L3MBTL3: variants seen among roughly 807,000 people sequenced by gnomAD.
L3MBTL3 encodes lethal(3)malignant brain tumor-like protein 3.
Under a neutral mutation model 102.3 loss-of-function variants are expected in L3MBTL3, and 27 were observed. The observed-to-expected ratio is 0.26, with a 90% CI of 0.19 to 0.36. L3MBTL3 has a LOEUF of 0.36. L3MBTL3 is among the 10% of genes least tolerant of loss of function. The pLI, the probability that L3MBTL3 is intolerant of heterozygous loss-of-function variation, is 1.00. For missense variants in L3MBTL3, 798 were observed against 955.3 expected (o/e 0.84, Z 2.17); for synonymous variants, 340 against 320.9 (o/e 1.06, Z -0.64).
intron 7 of L3MBTL3, among the ~76,000 whole-genome samples, chr6:130,054,387 T>A (rs767630570): frequency 3.3e-5 from 5 of 152,132 alleles, no homozygotes; most frequent in Non-Finnish European, 5.9e-5. Context: ...TTTGATATGA[T>A]GTATGTTTTA....
At chr6:130,049,880 C>T in intron 5 of L3MBTL3, 50 bp downstream of exon 5, 1 of 1,563,760 alleles carries the variant, frequency 6.4e-7, no homozygotes, top group South Asian at 1.2e-5. Flanking sequence ...CTATTTCTTT[C>T]TCCCCTCCCC....
rs77104327 is a variant in L3MBTL3, at chr6:130,085,570, G to A, written c.1408-570G>A. On this transcript the variant is annotated intron_variant, in intron 15 of 22. Transcript: ENST00000361794. ...TTTTACTCTGCTATTTCCCTTGCTC[G>A]TGCATCTGTGTTGGAATTTTTTGAC... 8.5e-5 allele frequency among the ~76,000 whole-genome samples: 13 copies of A among 152,078 alleles called. No homozygotes were observed. In the East Asian group the frequency reaches 1.7e-3, roughly 20 times the overall value.
At position 130,088,857 on chromosome 6, in the gene L3MBTL3, C is replaced by A. The variant is rs988405841; in HGVS notation, c.1518+2607C>A. Among the ~76,000 whole-genome samples, 22 of 152,218 alleles carry A rather than the reference C, an allele frequency of 1.4e-4. No homozygotes were observed. In the South Asian group the frequency reaches 2.1e-3, roughly 14 times the overall value. On this transcript the variant is annotated intron_variant, in intron 16 of 22. Coordinates refer to ENST00000361794, the MANE Select transcript of L3MBTL3 (RefSeq NM_032438.4). ...ATTTAGATCTTGCCCTTCTTCCCTT[C>A]CCCTTATCTTTTCAGTAGTTATTTT...
chr6:130,067,409 C>T lies in L3MBTL3; in HGVS notation c.1000+921C>T, dbSNP rs78329173. Among the ~76,000 whole-genome samples the T allele has an allele frequency of 5.2e-3, 790 of 152,230 alleles. 22 individuals are homozygous for T. In the East Asian group the frequency reaches 0.073, roughly 14 times the overall value. On this transcript the variant is annotated intron_variant, in intron 11 of 22. Transcript: ENST00000361794. ...GATTACAGGTGTAAGCCACCGTGCC[C>T]GGCCATATTTAGTAATATCTTATTC...
intron 1 of L3MBTL3, among the ~76,000 whole-genome samples, chr6:130,020,304 G>A (rs1333772142): frequency 6.6e-6 from 1 of 151,280 alleles, no homozygotes; most frequent in African/African-American, 2.4e-5. Flanking sequence ...TCCGCCGCGC[G>A]CCCCGCGAGC....
At chr6:130,027,723 C>A (rs2114510583) in intron 2 of L3MBTL3, among the ~76,000 whole-genome samples, 1 of 152,234 alleles carries the variant, frequency 6.6e-6, no homozygotes, top group East Asian at 1.9e-4. Context: ...AAAGATACTA[C>A]TTTTAGCATT....
At chr6:130,044,064 A>G (rs543329647) in intron 3 of L3MBTL3, among the ~76,000 whole-genome samples, 1 of 152,334 alleles carries the variant, frequency 6.6e-6, no homozygotes, top group Non-Finnish European at 1.5e-5. Context: ...TTCTCCAAAT[A>G]TTCATCTGGA....
chr6:130,090,502 G>T (rs1783974512), intron 16 of L3MBTL3, among the ~76,000 whole-genome samples: 1 of 152,182 alleles, frequency 6.6e-6, no homozygotes, highest in Admixed American at 6.6e-5. Context: ...TTTTTAACAG[G>T]CCAATAGGAG....
chr6:130,085,202 A>G (rs978773876), intron 15 of L3MBTL3, among the ~76,000 whole-genome samples: 3 of 152,166 alleles, frequency 2.0e-5, no homozygotes, highest in Admixed American at 1.3e-4. Context: ...TTTGCCTAAC[A>G]TTATGCCAAA....
At chr6:130,124,189 G>T (rs1786439685) in intron 20 of L3MBTL3, among the ~76,000 whole-genome samples, 1 of 152,144 alleles carries the variant, frequency 6.6e-6, no homozygotes, top group Non-Finnish European at 1.5e-5. Flanking sequence ...TCGGATGTTT[G>T]CTGGGAGGGG....
At chr6:130,120,043 T>C (rs1292241409) in intron 19 of L3MBTL3, among the ~76,000 whole-genome samples, 1 of 152,178 alleles carries the variant, frequency 6.6e-6, no homozygotes, top group East Asian at 1.9e-4. Context: ...TTTGTAACGG[T>C]AACAGCATGT....
chr6:130,062,064 T>C (rs546707897), intron 10 of L3MBTL3, among the ~76,000 whole-genome samples: 13 of 152,332 alleles, frequency 8.5e-5, no homozygotes, highest in African/African-American at 3.1e-4. Context: ...TTGAGAAGTT[T>C]AGCTATAGAA....
intron 8 of L3MBTL3, among the ~76,000 whole-genome samples, chr6:130,055,849 TTTGCC>T (rs1446966917): frequency 6.6e-6 from 1 of 151,286 alleles, no homozygotes; most frequent in African/African-American, 2.4e-5. Context: ...GAACCTGTTT[TTTGCC>T]TTCTCTTTTC....
At chr6:130,096,906 G>A (rs1270069132) in intron 18 of L3MBTL3, among the ~76,000 whole-genome samples, 2 of 152,180 alleles carry the variant, frequency 1.3e-5, no homozygotes, top group Non-Finnish European at 2.9e-5. Context: ...TAAAGGACAA[G>A]CATTGATAAA....
At chr6:130,125,058 AGCG>A (rs1786503286) in intron 20 of L3MBTL3, among the ~76,000 whole-genome samples, 1 of 152,146 alleles carries the variant, frequency 6.6e-6, no homozygotes, top group South Asian at 2.1e-4. Context: ...TTAGTACTGG[AGCG>A]GGGTCCTGGA....
intron 19 of L3MBTL3, among the ~76,000 whole-genome samples, chr6:130,118,471 A>T (rs1012397048): frequency 6.6e-6 from 1 of 152,182 alleles, no homozygotes; most frequent in Non-Finnish European, 1.5e-5. Flanking sequence ...CATCTGTTTC[A>T]TAATGCCTGT....
At chr6:130,109,757 T>C (rs1785235773) in intron 19 of L3MBTL3, among the ~76,000 whole-genome samples, 2 of 152,188 alleles carry the variant, frequency 1.3e-5, no homozygotes, top group Non-Finnish European at 2.9e-5. Flanking sequence ...TTGCTTTTGG[T>C]GTTTTAGTCA....
intron 9 of L3MBTL3, among the ~76,000 whole-genome samples, chr6:130,058,472 TAA>T (rs111300227): frequency 1.7e-4 from 23 of 132,888 alleles, no homozygotes; most frequent in Admixed American, 3.8e-4. Context: ...ACTCGGCCTC[TAA>T]AAAAAAAAAA....
intron 13 of L3MBTL3, 69 bp from the exon 14 acceptor site, chr6:130,078,489 C>A: frequency 9.6e-7 from 1 of 1,045,638 alleles, no homozygotes; most frequent in East Asian, 2.4e-5. Flanking sequence ...CTCTAGTTTT[C>A]TTTTTATTTT....
Sources: gnomAD v4.1 joint callset for allele counts (sites outside exome capture counted in the v4.1 genomes callset) on GRCh38, gnomAD v4.1.1 for gene constraint, MANE v1.5 for transcripts, NCBI Gene and HGNC (gene_info 2026-07-23, HGNC 2026-07-21) for gene names.